The following INTS9 variants were observed in gnomAD, a reference collection of about 807,000 sequenced individuals.
The protein encoded by INTS9 is integrator complex subunit 9.
INTS9 carries 55 observed loss-of-function variants against 79.7 expected under a neutral mutation model. That is an observed-to-expected ratio of 0.69 (90% CI 0.56 to 0.86). INTS9 has a LOEUF of 0.86. Among genes scored for constraint, INTS9 ranks in the 40% least tolerant of loss-of-function variants. The pLI is 0.00. For synonymous variants in INTS9, 319 were observed against 325.2 expected, an observed-to-expected ratio of 0.98 and a Z score of 0.20; for missense variants, 721 against 831.5, an observed-to-expected ratio of 0.87 and a Z score of 1.64.
At chr8:28,819,090 T>C (rs1805674295) in intron 6 of INTS9, among the ~76,000 whole-genome samples, 1 of 152,234 alleles carries the variant, frequency 6.6e-6, no homozygotes, top group Admixed American at 6.5e-5. Flanking sequence ...TTGTTGATCC[T>C]TTCAAAAAAC....
At chr8:28,857,871 G>T (rs965124855) in intron 2 of INTS9, among the ~76,000 whole-genome samples, 3 of 152,154 alleles carry the variant, frequency 2.0e-5, no homozygotes, top group Admixed American at 1.3e-4. Context: ...GAGAGGGCCA[G>T]GAATACCATT....
chr8:28,778,043 ACAGT>A (rs919294067), intron 12 of INTS9, 90 bp from the exon 13 acceptor site: 82 of 1,401,924 alleles, frequency 5.8e-5, no homozygotes, highest in East Asian at 1.0e-4. Context: ...GGGCCCACAG[ACAGT>A]CAGGGGGTCA....
chr8:28,845,363 CT>C (rs1244905632), intron 4 of INTS9, among the ~76,000 whole-genome samples: 5 of 152,172 alleles, frequency 3.3e-5, no homozygotes, highest in African/African-American at 1.2e-4. Context: ...CATACAAGAC[CT>C]GGCTCTACTT....
At chr8:28,848,024 G>C (rs1285455653) in intron 3 of INTS9, among the ~76,000 whole-genome samples, 1 of 152,220 alleles carries the variant, frequency 6.6e-6, no homozygotes, top group Non-Finnish European at 1.5e-5. Flanking sequence ...CAGTGAAACA[G>C]CAAAGTCTGA....
chr8:28,771,727 C>T (rs1000888117), intron 14 of INTS9, among the ~76,000 whole-genome samples: 18 of 152,256 alleles, frequency 1.2e-4, no homozygotes, highest in African/African-American at 4.3e-4. Context: ...AGGGTGTGCG[C>T]CAGATCCCGT....
rs1429614546 is a variant in INTS9 at position 28,767,849 on chromosome 8, C to T, written c.*297G>A. 5.2e-6 allele frequency: 2 copies of T among 385,520 alleles called. No individual in the cohort carries two copies. Among genetic ancestry groups the T allele is most frequent in the Non-Finnish European group, 9.7e-6 (2 of 205,972 alleles). 23.9% of individuals were successfully genotyped at this position (385,520 alleles called of 1,614,324 possible). A position where few individuals can be genotyped will look rare whatever the true frequency, so the allele number is the denominator to read the frequency against. ...TGCAAGACAGCCAGCCAGTCACCTCCGCCTCCCATGAACCTCTTGGAAAAC... is the reference window on the plus strand; with the variant it reads ...TGCAAGACAGCCAGCCAGTCACCTCTGCCTCCCATGAACCTCTTGGAAAAC... On this transcript the variant is annotated 3_prime_UTR_variant, in exon 17 of 17. Transcript: ENST00000521022.
chr8:28,827,656 C>T lies in INTS9; in HGVS notation c.488+7636G>A, dbSNP rs75983174. 2.9e-3 allele frequency among the ~76,000 whole-genome samples: 446 copies of T among 152,118 alleles called. 1 individual carries two copies. Among genetic ancestry groups the T allele is most frequent in the African/African-American group, 0.01 (425 of 41,500 alleles). Reference sequence around the variant, plus strand: ...AAAATGAAGTATGTTTCAATATTAACCAGAAACTAGGTTACAACCCCTGAT... The same window carrying T: ...AAAATGAAGTATGTTTCAATATTAATCAGAAACTAGGTTACAACCCCTGAT... On this transcript the variant is annotated intron_variant, in intron 6 of 16. Coordinates refer to ENST00000521022, the MANE Select transcript of INTS9 (RefSeq NM_018250.4).
At chr8:28,884,050 G>A (rs1470951023) in intron 1 of INTS9, among the ~76,000 whole-genome samples, 1 of 151,086 alleles carries the variant, frequency 6.6e-6, no homozygotes, top group Non-Finnish European at 1.5e-5. Context: ...GTTATAGCAA[G>A]AGTAATGCTG....
chr8:28,790,862 G>C (rs895564932), intron 10 of INTS9, among the ~76,000 whole-genome samples: 3 of 152,162 alleles, frequency 2.0e-5, no homozygotes, highest in African/African-American at 7.2e-5. Flanking sequence ...CAGATCTTTG[G>C]ATTGGACAAG....
At chr8:28,785,952 A>G (rs1935354319) in intron 11 of INTS9, among the ~76,000 whole-genome samples, 1 of 152,248 alleles carries the variant, frequency 6.6e-6, no homozygotes, top group African/African-American at 2.4e-5. Context: ...ACATCAAGAA[A>G]TAAAGCATTA....
At chr8:28,885,896 T>C (rs1451563580) in intron 1 of INTS9, among the ~76,000 whole-genome samples, 2 of 152,224 alleles carry the variant, frequency 1.3e-5, no homozygotes, top group Non-Finnish European at 2.9e-5. Context: ...TGATTCTGGT[T>C]AACTGAAAAT....
intron 6 of INTS9, among the ~76,000 whole-genome samples, chr8:28,817,869 A>C (rs1254010761): frequency 7.3e-5 from 11 of 151,410 alleles, no homozygotes; most frequent in Admixed American, 7.2e-4. Flanking sequence ...GAGGTCCTTC[A>C]CATCCCTTGT....
chr8:28,853,692 A>T (rs531647522), intron 2 of INTS9, among the ~76,000 whole-genome samples: 2 of 152,316 alleles, frequency 1.3e-5, no homozygotes, highest in South Asian at 4.1e-4. Flanking sequence ...TGTAATCATT[A>T]AAAGCAAAAT....
rs1350638063 is a variant in INTS9, at chr8:28,826,462, CCGT to C, written c.488+8827_488+8829del. ...GGTAACCCGGAGGAGGAAAGCCAAG[CCGT>C]CCCACTGCCTCTGGTCCAGTCTGAC... On this transcript the variant is annotated intron_variant, in intron 6 of 16. Transcript: ENST00000521022. Among the ~76,000 whole-genome samples the C allele has an allele frequency of 3.3e-5, 5 of 152,178 alleles. No individual in the cohort carries two copies. In the East Asian group the frequency reaches 9.6e-4, roughly 29 times the overall value.
intron 5 of INTS9, among the ~76,000 whole-genome samples, chr8:28,836,382 A>G (rs1477695598): frequency 6.6e-6 from 1 of 152,184 alleles, no homozygotes; most frequent in African/African-American, 2.4e-5. Context: ...ATGACCACAA[A>G]GGTAGAAATG....
At chr8:28,860,580 G>A (rs1208855297) in intron 1 of INTS9, among the ~76,000 whole-genome samples, 1 of 151,796 alleles carries the variant, frequency 6.6e-6, no homozygotes, top group East Asian at 1.9e-4. Context: ...TGGTTCAAGC[G>A]ATTCTCCTGC....
chr8:28,845,061 C>T (rs545777568), intron 4 of INTS9, among the ~76,000 whole-genome samples: 1 of 152,288 alleles, frequency 6.6e-6, no homozygotes, highest in South Asian at 2.1e-4. Context: ...ACTGTACTCA[C>T]ATATTTACTT....
chr8:28,778,010 C>A, intron 12 of INTS9, 57 bp from the exon 13 acceptor site: 2 of 1,512,536 alleles, frequency 1.3e-6, no homozygotes, highest in Non-Finnish European at 1.8e-6. Context: ...AGCTGCCAAG[C>A]CAGACAGCAA....
chr8:28,776,629 C>T (rs1199327701), intron 13 of INTS9, among the ~76,000 whole-genome samples: 2 of 152,096 alleles, frequency 1.3e-5, no homozygotes. Context: ...AGACGGCTTT[C>T]CACCAGGCTG....
Sources: allele counts gnomAD v4.1 joint callset (sites outside exome capture counted in the v4.1 genomes callset), GRCh38; gene constraint gnomAD v4.1.1; transcripts MANE v1.5; gene names NCBI Gene and HGNC (gene_info 2026-07-23, HGNC 2026-07-21).